The following SGCZ variants were observed in gnomAD, a reference collection of about 807,000 sequenced individuals.
The protein encoded by SGCZ is sarcoglycan zeta.
A neutral mutation model predicts 41.3 loss-of-function variants in SGCZ; 40 were observed. The ratio of observed to expected loss-of-function variants is 0.97; its 90% CI spans 0.75 to 1.26. The LOEUF (loss-of-function observed/expected upper bound fraction) is 1.26. Among genes scored for constraint, SGCZ ranks in the 50% most tolerant of loss-of-function variants. The probability of loss-of-function intolerance (pLI) is 0.00; values close to 1 mark genes in which losing one functional copy is unlikely to be tolerated. For missense variants in SGCZ, 552 were observed against 369.8 expected (o/e 1.49, Z -4.04); for synonymous variants, 206 against 137.5 (o/e 1.50, Z -3.49).
At chr8:14,426,930 T>G (rs994466416) in intron 2 of SGCZ, among the ~76,000 whole-genome samples, 1 of 152,144 alleles carries the variant, frequency 6.6e-6, no homozygotes, top group African/African-American at 2.4e-5. Flanking sequence ...TTGTTATTAT[T>G]TATTATTATT....
At chr8:15,055,811 C>T (rs2131001351) in intron 1 of SGCZ, among the ~76,000 whole-genome samples, 1 of 152,328 alleles carries the variant, frequency 6.6e-6, no homozygotes, top group South Asian at 2.1e-4. Context: ...GGTGCATTTT[C>T]ATCCACGAAC....
At chr8:14,887,903 G>T (rs1005782509) in intron 1 of SGCZ, among the ~76,000 whole-genome samples, 4 of 152,054 alleles carry the variant, frequency 2.6e-5, no homozygotes, top group African/African-American at 9.7e-5. Flanking sequence ...GTATCCCATT[G>T]TGTTTACCAG....
At chr8:15,032,330 A>G (rs955390828) in intron 1 of SGCZ, among the ~76,000 whole-genome samples, 1 of 152,196 alleles carries the variant, frequency 6.6e-6, no homozygotes, top group Non-Finnish European at 1.5e-5. Context: ...AGAGGTTAAC[A>G]AAGGACAGTT....
Position 14,493,359 on chromosome 8 carries a change from C to CTTTTTTTTTTTTTTT in SGCZ, c.234+61358_234+61372dup, listed in dbSNP as rs57898016. Reference sequence around the variant, plus strand: ...CATACTTTTCCCACTATCATCCTTTCTTTTTTTTTTTTTTTTTTTTTTTTT... The same window carrying CTTTTTTTTTTTTTTT: ...CATACTTTTCCCACTATCATCCTTTCTTTTTTTTTTTTTTTTTTTTTTTTTTTTTTTTTTTTTTTT... On this transcript the variant is annotated intron_variant, in intron 2 of 7. Coordinates refer to ENST00000382080, the MANE Select transcript of SGCZ (RefSeq NM_139167.4). Among the ~76,000 whole-genome samples, 123 of 44,270 alleles carry CTTTTTTTTTTTTTTT rather than the reference C, an allele frequency of 2.8e-3. 17 individuals carry two copies. Among genetic ancestry groups the CTTTTTTTTTTTTTTT allele is most frequent in the Non-Finnish European group, 3.0e-3 (72 of 23,708 alleles). The allele number at this position is 44,270 out of a possible 152,430, so 29.0% of individuals were successfully genotyped here.
chr8:15,177,096 T>C (rs1215049514), intron 1 of SGCZ, among the ~76,000 whole-genome samples: 1 of 152,238 alleles, frequency 6.6e-6, no homozygotes, highest in Admixed American at 6.5e-5. Context: ...GAAGAAATTG[T>C]AGATAATTTA....
At chr8:14,767,064 GT>G (rs67862495) in intron 1 of SGCZ, among the ~76,000 whole-genome samples, 53,231 of 151,774 alleles carry the variant, frequency 0.35, 11,114 homozygotes, top group East Asian at 0.5. Context: ...ATCATCTGGT[GT>G]TTTATTTTTA....
At chr8:14,532,402 A>G (rs1803160205) in intron 2 of SGCZ, among the ~76,000 whole-genome samples, 1 of 152,074 alleles carries the variant, frequency 6.6e-6, no homozygotes, top group African/African-American at 2.4e-5. Context: ...CACCAATAAC[A>G]GAATTCCTCC....
At chr8:14,966,667 A>G (rs1801135872) in intron 1 of SGCZ, among the ~76,000 whole-genome samples, 1 of 152,152 alleles carries the variant, frequency 6.6e-6, no homozygotes. Flanking sequence ...CCAGATTAAC[A>G]ACAAAAAAGA....
intron 1 of SGCZ, among the ~76,000 whole-genome samples, chr8:14,558,918 C>T (rs1480582834): frequency 6.6e-6 from 1 of 151,964 alleles, no homozygotes; most frequent in African/African-American, 2.4e-5. Context: ...ACACATCTGA[C>T]AAAATTAGCA....
At chr8:14,466,299 G>A (rs529893480) in intron 2 of SGCZ, among the ~76,000 whole-genome samples, 27 of 152,026 alleles carry the variant, frequency 1.8e-4, no homozygotes, top group African/African-American at 6.3e-4. Context: ...TCTGCTCAAT[G>A]CGTTGTGGTT....
intron 1 of SGCZ, among the ~76,000 whole-genome samples, chr8:15,062,796 G>T (rs1280175984): frequency 1.3e-5 from 2 of 152,052 alleles, no homozygotes; most frequent in African/African-American, 4.8e-5. Flanking sequence ...ACAGTCTTAC[G>T]TATAGTAAAA....
intron 1 of SGCZ, among the ~76,000 whole-genome samples, chr8:15,085,476 A>T (rs17120890): frequency 6.6e-6 from 1 of 152,162 alleles, no homozygotes; most frequent in East Asian, 1.9e-4. Context: ...AAATAAGGAA[A>T]TAAATTCCCC....
intron 3 of SGCZ, among the ~76,000 whole-genome samples, chr8:14,259,805 G>T (rs1251944577): frequency 6.7e-6 from 1 of 150,104 alleles, no homozygotes; most frequent in Non-Finnish European, 1.5e-5. Context: ...CTCTTTTTTG[G>T]TTCCATATGA....
At chr8:14,879,853 T>G (rs1202566041) in intron 1 of SGCZ, 1 of 151,910 alleles carries the variant, frequency 6.6e-6, no homozygotes, top group African/African-American at 2.4e-5. Context: ...TTTTTTTTTG[T>G]TTTTGAGACA....
At chr8:14,190,297 C>T (rs555281019) in intron 4 of SGCZ, among the ~76,000 whole-genome samples, 1 of 152,040 alleles carries the variant, frequency 6.6e-6, no homozygotes, top group Admixed American at 6.6e-5. Flanking sequence ...CAGGCGTGAG[C>T]CACAGCACCC....
At chr8:14,242,266 G>C (rs142889259) in intron 3 of SGCZ, among the ~76,000 whole-genome samples, 1 of 152,334 alleles carries the variant, frequency 6.6e-6, no homozygotes, top group Admixed American at 6.5e-5. Flanking sequence ...TGAAATAGCA[G>C]TGGTACAAAC....
intron 2 of SGCZ, among the ~76,000 whole-genome samples, chr8:14,431,505 G>C (rs947769414): frequency 6.6e-6 from 1 of 152,056 alleles, no homozygotes; most frequent in Non-Finnish European, 1.5e-5. Flanking sequence ...GAATGAAACT[G>C]GATCTTCACC....
intron 2 of SGCZ, among the ~76,000 whole-genome samples, chr8:14,508,475 A>G (rs554730784): frequency 6.6e-6 from 1 of 152,234 alleles, no homozygotes; most frequent in African/African-American, 2.4e-5. Flanking sequence ...CAGAGACAGA[A>G]CCCTCGGAGG....
intron 1 of SGCZ, among the ~76,000 whole-genome samples, chr8:14,697,511 T>C (rs543918177): frequency 9.0e-4 from 137 of 152,198 alleles, no homozygotes; most frequent in African/African-American, 3.2e-3. Flanking sequence ...GTGCAATCCA[T>C]GTAGTTAAAA....
Sources: gnomAD v4.1 joint callset for allele counts (sites outside exome capture counted in the v4.1 genomes callset) on GRCh38, gnomAD v4.1.1 for gene constraint, MANE v1.5 for transcripts, NCBI Gene and HGNC (gene_info 2026-07-23, HGNC 2026-07-21) for gene names.